Variants in ARHGAP26 observed in about 807,000 individuals in gnomAD.
ARHGAP26 encodes rho GTPase-activating protein 26.
Under a neutral mutation model 104.8 loss-of-function variants are expected in ARHGAP26, and 38 were observed. The ratio of observed to expected loss-of-function variants is 0.36; its 90% confidence interval spans 0.28 to 0.48. The LOEUF (loss-of-function observed/expected upper bound fraction) is 0.48, where lower values mean the gene tolerates loss of function less well. ARHGAP26 is among the 20% of genes least tolerant of loss of function. The pLI is 0.99. For missense variants in ARHGAP26, 704 were observed against 947.9 expected, an observed-to-expected ratio of 0.74 and a Z score of 3.38; for synonymous variants, 341 against 340.0, an observed-to-expected ratio of 1.00 and a Z score of -0.03.
intron 17 of ARHGAP26, among the ~76,000 whole-genome samples, chr5:143,101,366 G>T (rs1241226423): frequency 6.6e-6 from 1 of 152,144 alleles, no homozygotes; most frequent in Non-Finnish European, 1.5e-5. Flanking sequence ...TTGATGTAGG[G>T]TTGTGGCCCC....
At chr5:142,947,830 G>A (rs1767398521) in intron 11 of ARHGAP26, among the ~76,000 whole-genome samples, 1 of 152,144 alleles carries the variant, frequency 6.6e-6, no homozygotes, top group African/African-American at 2.4e-5. Context: ...AGATCGTTGA[G>A]TATACTGATT....
chr5:143,004,842 C>T (rs1301709089), intron 11 of ARHGAP26, among the ~76,000 whole-genome samples: 1 of 152,090 alleles, frequency 6.6e-6, no homozygotes, highest in Non-Finnish European at 1.5e-5. Context: ...ATGTCAAGGT[C>T]TAGGTGAGAA....
intron 1 of ARHGAP26, among the ~76,000 whole-genome samples, chr5:142,795,862 A>G (rs921310296): frequency 1.3e-5 from 2 of 152,210 alleles, no homozygotes; most frequent in Admixed American, 6.5e-5. Flanking sequence ...TGGAATGGAT[A>G]GAAATCATGT....
intron 1 of ARHGAP26, among the ~76,000 whole-genome samples, chr5:142,799,286 G>C (rs1761593409): frequency 6.6e-6 from 1 of 152,042 alleles, no homozygotes; most frequent in Admixed American, 6.6e-5. Flanking sequence ...TTACAACTCA[G>C]ACTATAAGAT....
chr5:143,080,643 G>A (rs972230090), intron 17 of ARHGAP26, among the ~76,000 whole-genome samples: 1 of 152,244 alleles, frequency 6.6e-6, no homozygotes, highest in Non-Finnish European at 1.5e-5. Flanking sequence ...AGTAAGATCT[G>A]TGTGGTACAA....
intron 19 of ARHGAP26, among the ~76,000 whole-genome samples, chr5:143,135,013 A>G (rs1797756604): frequency 6.6e-6 from 1 of 152,246 alleles, no homozygotes; most frequent in South Asian, 2.1e-4. Flanking sequence ...GGGACTGGGA[A>G]TATAAGCATG....
At chr5:143,075,445 A>G (rs1788857887) in intron 17 of ARHGAP26, among the ~76,000 whole-genome samples, 1 of 151,996 alleles carries the variant, frequency 6.6e-6, no homozygotes, top group Non-Finnish European at 1.5e-5. Flanking sequence ...TTTTAAAAAA[A>G]TGTTTCTCAG....
At chr5:142,858,806 G>T (rs1353801506) in intron 1 of ARHGAP26, among the ~76,000 whole-genome samples, 1 of 152,190 alleles carries the variant, frequency 6.6e-6, no homozygotes, top group African/African-American at 2.4e-5. Context: ...TACCCCTGGG[G>T]TGGATAGGGA....
chr5:142,809,174 G>A (rs992557254), intron 1 of ARHGAP26, among the ~76,000 whole-genome samples: 3 of 152,200 alleles, frequency 2.0e-5, no homozygotes, highest in African/African-American at 7.2e-5. Context: ...TGCGTTTTCA[G>A]TGTCTTTTTT....
chr5:143,199,770 T>C (rs1807423164), intron 20 of ARHGAP26, among the ~76,000 whole-genome samples: 2 of 152,148 alleles, frequency 1.3e-5, no homozygotes, highest in Non-Finnish European at 2.9e-5. Flanking sequence ...AAATGCCAAT[T>C]TTGCTGCTTC....
rs752055794 is a variant in ARHGAP26 at position 142,770,779 on chromosome 5, C to G, written c.18C>G (p.Leu6=). Residue 6 remains leucine (L), a synonymous_variant, in exon 1 of 23, where the codon CTC becomes CTG. Coordinates refer to ENST00000645722, the MANE Select transcript of ARHGAP26 (RefSeq NM_001135608.3). MGLPA[L]EFSDCCLDSP... The stretch of plus-strand genomic sequence containing the variant: ...CGCGCACCATGGGGCTCCCAGCGCT[C>G]GAGTTCAGCGACTGCTGCCTCGATA... 6 of 1,540,910 alleles carry G rather than the reference C, an allele frequency of 3.9e-6. No homozygotes were observed. Among genetic ancestry groups the G allele is most frequent in the Admixed American group, 3.7e-5 (2 of 53,620 alleles).
rs185467028 is a variant in ARHGAP26 at position 143,080,848 on chromosome 5, G to A, written c.1538+23101G>A. On this transcript the variant is annotated intron_variant, in intron 17 of 22. Transcript: ENST00000645722. Reference sequence around the variant, plus strand: ...TCTATGGCAAATGAGCTGAACAGGAGCTAGTGTGGTGTTGGGGAGGCTGAA... The same window carrying A: ...TCTATGGCAAATGAGCTGAACAGGAACTAGTGTGGTGTTGGGGAGGCTGAA... Among the ~76,000 whole-genome samples, 19 of 152,310 alleles carry A rather than the reference G, an allele frequency of 1.2e-4. No individual in the cohort carries two copies. The East Asian group carries it at 3.7e-3, about 29-fold the overall frequency.
intron 1 of ARHGAP26, among the ~76,000 whole-genome samples, chr5:142,826,795 T>C (rs1483542702): frequency 6.6e-6 from 1 of 152,210 alleles, no homozygotes; most frequent in African/African-American, 2.4e-5. Context: ...TCCCACCTGC[T>C]ACTATTTCAA....
chr5:142,910,267 G>T (rs907103982), intron 9 of ARHGAP26, among the ~76,000 whole-genome samples: 2 of 152,118 alleles, frequency 1.3e-5, no homozygotes, highest in Non-Finnish European at 2.9e-5. Flanking sequence ...TACAGAGCTG[G>T]TGCTCAAACG....
chr5:143,168,370 T>C (rs1802300403), intron 20 of ARHGAP26, among the ~76,000 whole-genome samples: 1 of 150,854 alleles, frequency 6.6e-6, no homozygotes, highest in South Asian at 2.1e-4. Flanking sequence ...TTTCATGTAA[T>C]TGACTTGCCT....
At chr5:142,820,273 G>T (rs886731642) in intron 1 of ARHGAP26, among the ~76,000 whole-genome samples, 1 of 152,126 alleles carries the variant, frequency 6.6e-6, no homozygotes, top group African/African-American at 2.4e-5. Context: ...TAGGATTGTT[G>T]TGCGGTGGTT....
At chr5:143,034,397 C>T (rs569073476) in intron 12 of ARHGAP26, among the ~76,000 whole-genome samples, 39 of 152,020 alleles carry the variant, frequency 2.6e-4, no homozygotes, top group Non-Finnish European at 4.7e-4. Flanking sequence ...ATATCTGGAC[C>T]GTGGAATATT....
intron 2 of ARHGAP26, 53 bp from the exon 3 acceptor site, chr5:142,875,057 T>C (rs1755885491): frequency 5.3e-6 from 8 of 1,498,498 alleles, no homozygotes. Context: ...CTGGAAAGGC[T>C]CCCCAAGGCC....
At chr5:142,967,010 A>T (rs538999848) in intron 11 of ARHGAP26, among the ~76,000 whole-genome samples, 2 of 152,304 alleles carry the variant, frequency 1.3e-5, no homozygotes, top group African/African-American at 4.8e-5. Flanking sequence ...TGCATATTGT[A>T]CATATGTATA....
Sources: allele counts gnomAD v4.1 joint callset (sites outside exome capture counted in the v4.1 genomes callset), GRCh38; gene constraint gnomAD v4.1.1; transcripts MANE v1.5; gene names NCBI Gene and HGNC (gene_info 2026-07-23, HGNC 2026-07-21).